DHCR7: variants seen among roughly 807,000 people sequenced by gnomAD.
DHCR7 encodes 7-DHC reductase.
DHCR7 carries 40 observed loss-of-function variants against 43.3 expected under a neutral mutation model. That is an observed-to-expected ratio of 0.92 (90% CI 0.72 to 1.20). The LOEUF is 1.20. Ranked by LOEUF, DHCR7 falls within the 50% of genes most tolerant of loss-of-function variation. The probability of loss-of-function intolerance (pLI) is 0.00; values close to 1 mark genes in which losing one functional copy is unlikely to be tolerated. For synonymous variants in DHCR7, 298 were observed against 271.4 expected, an observed-to-expected ratio of 1.10 and a Z score of -0.96; for missense variants, 608 against 644.6, an observed-to-expected ratio of 0.94 and a Z score of 0.62.
downstream of DHCR7, among the ~76,000 whole-genome samples, chr11:71,432,149 T>C (rs947199972): frequency 6.6e-6 from 1 of 152,216 alleles, no homozygotes; most frequent in African/African-American, 2.4e-5. Context: ...TCTACCATAC[T>C]TGCACCAACA....
Position 71,437,830 on chromosome 11 carries a change from A to C in DHCR7, c.945T>G (p.Pro315=). The C allele has an allele frequency of 6.2e-7, 1 of 1,613,954 alleles. No individual in the cohort carries two copies. Among genetic ancestry groups the C allele is most frequent in the Middle Eastern group, 1.6e-4 (1 of 6,062 alleles). Residue 315 remains proline (P), a synonymous_variant, in exon 8 of 9, where the codon CCT becomes CCG. Transcript: ENST00000355527. ...TCCTCACCTGCAGCGTGTAAAGATA[A>C]GGCAGCCAGACACAGTCGCCCCAGC... The part of the protein sequence containing the change: ...YLGWGDCVWL[P]YLYTLQGLYL...
At chr11:71,446,784 G>A (rs530798804) in intron 2 of DHCR7, among the ~76,000 whole-genome samples, 2 of 152,332 alleles carry the variant, frequency 1.3e-5, no homozygotes, top group East Asian at 1.9e-4. Flanking sequence ...AAAACAAGAC[G>A]AAGAGTTCTT....
At chr11:71,437,053 G>T (rs1239828690) in intron 8 of DHCR7, among the ~76,000 whole-genome samples, 1 of 152,130 alleles carries the variant, frequency 6.6e-6, no homozygotes, top group South Asian at 2.1e-4. Flanking sequence ...GTGAGCATGG[G>T]GCCAGCTGGG....
Position 71,442,247 on chromosome 11 carries a change from GA to G in DHCR7, c.412+15del. On this transcript the variant is annotated intron_variant, in intron 5 of 8. Transcript: ENST00000355527. Reference sequence around the variant, plus strand: ...TGAGAACGGGAGCCTGGGGAGGGTGGAAGGGAGGAGGCTACCTGCAGGAGTC... The same window carrying G: ...TGAGAACGGGAGCCTGGGGAGGGTGGAGGGAGGAGGCTACCTGCAGGAGTC... The G allele has an allele frequency of 6.3e-7, 1 of 1,599,422 alleles. No homozygotes were observed. The highest frequency in any genetic ancestry group is 8.6e-7 in the Non-Finnish European group (1 of 1,168,276).
At chr11:71,442,162 C>A in intron 5 of DHCR7, 101 bp downstream of exon 5, 1 of 919,528 alleles carries the variant, frequency 1.1e-6, no homozygotes, top group Non-Finnish European at 1.7e-6. Context: ...GATTTCTATC[C>A]TGTGACAAGT....
intron 6 of DHCR7, among the ~76,000 whole-genome samples, chr11:71,439,562 G>T (rs1360763903): frequency 6.6e-6 from 1 of 152,220 alleles, no homozygotes; most frequent in Non-Finnish European, 1.5e-5. Flanking sequence ...CCAACGTAGA[G>T]AATGACAAAC....
At position 71,444,078 on chromosome 11, in the gene DHCR7, T is replaced by C. The variant is rs1949377036; in HGVS notation, c.236A>G (p.His79Arg). Reference protein sequence around the residue: ...TGPVVDIVTGHARLSDIWAKT... With the variant: ...TGPVVDIVTGRARLSDIWAKT... ...GGCCCAGATGTCCGAGAGCCGAGCA[T>C]GTCCGGTGACGATGTCCACCACAGG... The change falls in exon 4 of 9, where the codon CAT becomes CGT. Residue 79 changes from histidine (H) to arginine (R), a missense_variant. By Grantham distance (29) the His-to-Arg change is conservative. Transcript: ENST00000355527. 3 of 1,613,752 alleles carry C rather than the reference T, an allele frequency of 1.9e-6. No homozygotes were observed. Among genetic ancestry groups the C allele is most frequent in the Middle Eastern group, 3.3e-4 (2 of 6,062 alleles).
intron 3 of DHCR7, 151 bp from the exon 4 acceptor site, chr11:71,444,366 G>A (rs773554959): frequency 3.2e-5 from 22 of 682,348 alleles, no homozygotes; most frequent in African/African-American, 1.1e-4. Context: ...CCCTCCTTGC[G>A]GCCAGGGAAG....
chr11:71,446,260 G>GAAAAAAAAAAA (rs57679336), intron 2 of DHCR7, among the ~76,000 whole-genome samples: 3 of 65,940 alleles, frequency 4.5e-5, no homozygotes, highest in Non-Finnish European at 8.2e-5. Context: ...CTTACCAAAT[G>GAAAAAAAAAAA]AAAAAAAAAA....
chr11:71,429,643 A>G (rs1949218612), downstream of DHCR7, among the ~76,000 whole-genome samples: 1 of 152,168 alleles, frequency 6.6e-6, no homozygotes, highest in South Asian at 2.1e-4. Flanking sequence ...GAGGGGGTGA[A>G]GTCGAGTAAC....
In DHCR7 at chr11:71,448,344, C is replaced by G. The variant is rs1949427325; in HGVS notation, c.-186G>C. Reference sequence around the variant, plus strand: ...CCACCTTCCCCTGGCCTCGCTTGCGCGCGCTGCTCCACGCCGCCTACCCTC... The same window carrying G: ...CCACCTTCCCCTGGCCTCGCTTGCGGGCGCTGCTCCACGCCGCCTACCCTC... On this transcript the variant is annotated 5_prime_UTR_variant, in exon 1 of 9. Coordinates refer to ENST00000355527, the MANE Select transcript of DHCR7 (RefSeq NM_001360.3). 1 of 153,690 alleles carries G rather than the reference C, an allele frequency of 6.5e-6. No homozygotes were observed. The highest frequency in any genetic ancestry group is 2.4e-5 in the African/African-American group (1 of 41,488). The allele number at this position is 153,690 out of a possible 1,614,324, so 9.5% of individuals were successfully genotyped here.
downstream of DHCR7, among the ~76,000 whole-genome samples, chr11:71,430,904 C>T (rs1456916673): frequency 1.3e-5 from 2 of 152,224 alleles, no homozygotes; most frequent in East Asian, 1.9e-4. Context: ...CCTGTAATCC[C>T]AGCACTTTGG....
chr11:71,443,228 G>C (rs777716301), intron 4 of DHCR7, among the ~76,000 whole-genome samples: 4 of 152,172 alleles, frequency 2.6e-5, no homozygotes, highest in African/African-American at 4.8e-5. Flanking sequence ...CTGCTTTGTG[G>C]CTATTTGTGA....
At position 71,444,599 on chromosome 11, in the gene DHCR7, G is replaced by A. The variant is rs540182599; in HGVS notation, c.98+256C>T. 2.0e-5 allele frequency among the ~76,000 whole-genome samples: 3 copies of A among 152,272 alleles called. No individual in the cohort carries two copies. The South Asian group carries it at 6.2e-4, about 32-fold the overall frequency. The stretch of plus-strand genomic sequence containing the variant: ...GTGACAATAGGTCATACCCCCAGAT[G>A]GTGGGAAGGCCCCAGCTGCCCTTTA... On this transcript the variant is annotated intron_variant, in intron 3 of 8. Transcript: ENST00000355527.
intron 2 of DHCR7, among the ~76,000 whole-genome samples, chr11:71,446,358 G>A (rs575068374): frequency 6.5e-4 from 98 of 151,606 alleles, no homozygotes; most frequent in Non-Finnish European, 1.1e-3. Context: ...CATTATTATA[G>A]GACCTTACTT....
chr11:71,442,156 T>G (rs1949354525), intron 5 of DHCR7, 107 bp downstream of exon 5: 2 of 893,604 alleles, frequency 2.2e-6, no homozygotes, highest in East Asian at 5.2e-5. Flanking sequence ...AAAATGGATT[T>G]CTATCCTGTG....
At chr11:71,431,451 C>T (rs544173063), downstream of DHCR7, among the ~76,000 whole-genome samples, 32 of 152,288 alleles carry the variant, frequency 2.1e-4, no homozygotes, top group Non-Finnish European at 3.4e-4. Context: ...TGACAGTACT[C>T]CAGACAAGAA....
chr11:71,432,997 A>G (rs1393621217), downstream of DHCR7, among the ~76,000 whole-genome samples: 1 of 152,194 alleles, frequency 6.6e-6, no homozygotes, highest in East Asian at 1.9e-4. Context: ...GTGTATCAGG[A>G]TTGAATCTAC....
chr11:71,437,731 A>G, intron 8 of DHCR7, 81 bp downstream of exon 8: 2 of 1,596,114 alleles, frequency 1.3e-6, no homozygotes, highest in Middle Eastern at 3.8e-4. Context: ...GGTGCCCCCA[A>G]GGACAGACGC....
Sources: allele counts gnomAD v4.1 joint callset (sites outside exome capture counted in the v4.1 genomes callset), GRCh38; gene constraint gnomAD v4.1.1; transcripts MANE v1.5; gene names NCBI Gene and HGNC (gene_info 2026-07-23, HGNC 2026-07-21).